Variants in TRPC6 observed in about 807,000 individuals in gnomAD.
TRPC6 encodes the protein short transient receptor potential channel 6.
A neutral mutation model predicts 90.7 loss-of-function variants in TRPC6; 55 were observed. The ratio of observed to expected loss-of-function variants is 0.61; its 90% CI spans 0.49 to 0.76. The LOEUF (loss-of-function observed/expected upper bound fraction) is 0.76. TRPC6 is among the 30% of genes least tolerant of loss of function. The probability of loss-of-function intolerance (pLI) is 0.00; values close to 1 mark genes in which losing one functional copy is unlikely to be tolerated. For missense variants in TRPC6, 989 were observed against 1,122.7 expected (o/e 0.88, Z 1.70); for synonymous variants, 393 against 393.0 (o/e 1.00, Z 0.00).
chr11:101,502,739 G>A (rs754177172), intron 2 of TRPC6, among the ~76,000 whole-genome samples: 16 of 152,146 alleles, frequency 1.1e-4, no homozygotes, highest in Non-Finnish European at 1.8e-4. Context: ...GTAGCTGGAG[G>A]AAAAGCACCT....
At chr11:101,480,081 G>A (rs1859516577) in intron 5 of TRPC6, among the ~76,000 whole-genome samples, 4 of 152,106 alleles carry the variant, frequency 2.6e-5, no homozygotes, top group Admixed American at 2.0e-4. Context: ...GGGAGGCTGA[G>A]GCAGGAAAAT....
intron 10 of TRPC6, 106 bp downstream of exon 10, chr11:101,469,321 G>T (rs1859230187): frequency 6.0e-6 from 4 of 661,190 alleles, no homozygotes; most frequent in Non-Finnish European, 1.1e-5. Flanking sequence ...ATTATTTAAT[G>T]GGTCTGTTCT....
chr11:101,492,732 G>T (rs922547533), intron 2 of TRPC6, among the ~76,000 whole-genome samples: 1 of 152,150 alleles, frequency 6.6e-6, no homozygotes, highest in African/African-American at 2.4e-5. Flanking sequence ...ACATTTAATA[G>T]GTCTTTGGAA....
At chr11:101,531,643 T>A (rs1362416271) in intron 1 of TRPC6, among the ~76,000 whole-genome samples, 1 of 152,206 alleles carries the variant, frequency 6.6e-6, no homozygotes. Flanking sequence ...CAGGCACAAT[T>A]TGAGGCGTTT....
intron 1 of TRPC6, 112 bp from the exon 2 acceptor site, chr11:101,504,910 C>T (rs1860222504): frequency 8.3e-7 from 1 of 1,199,582 alleles, no homozygotes. Flanking sequence ...GTTGTCTCAT[C>T]ATCTCTAGAC....
In TRPC6 at chr11:101,485,126, T is replaced by TACACACACACACACAC. The variant is rs10639907; in HGVS notation, c.1294-1977_1294-1962dup. Among the ~76,000 whole-genome samples, 958 of 143,902 alleles carry TACACACACACACACAC rather than the reference T, an allele frequency of 6.7e-3. 6 individuals carry two copies. Among genetic ancestry groups the TACACACACACACACAC allele is most frequent in the Middle Eastern group, 0.01 (3 of 288 alleles). 94.4% of individuals were successfully genotyped at this position (143,902 alleles called of 152,430 possible). A position where few individuals can be genotyped will look rare whatever the true frequency, so the allele number is the denominator to read the frequency against. On this transcript the variant is annotated intron_variant, in intron 4 of 12. Transcript: ENST00000344327. ...CCCACATATACAGAGGGCCAAAGAA[T>TACACACACACACACAC]ACACACACACACACACACACACACA...
chr11:101,492,751 A>T (rs1345256085), intron 2 of TRPC6, among the ~76,000 whole-genome samples: 3 of 152,224 alleles, frequency 2.0e-5, no homozygotes, highest in African/African-American at 7.2e-5. Flanking sequence ...AAGACCTTGT[A>T]AACTGTGTTA....
At chr11:101,471,584 T>C (rs1020337077) in intron 8 of TRPC6, among the ~76,000 whole-genome samples, 198 bp from the exon 9 acceptor site, 6 of 152,222 alleles carry the variant, frequency 3.9e-5, no homozygotes, top group Non-Finnish European at 7.3e-5. Flanking sequence ...TTGACAGTCT[T>C]GCAAGACTAT....
intron 1 of TRPC6, among the ~76,000 whole-genome samples, chr11:101,567,260 A>G (rs1401870627): frequency 1.3e-5 from 2 of 152,106 alleles, no homozygotes; most frequent in Non-Finnish European, 2.9e-5. Context: ...GGGAAGTTCC[A>G]AATGGGCGTA....
At position 101,467,531 on chromosome 11, in the gene TRPC6, T is replaced by C. The variant is rs142503379; in HGVS notation, c.2484+1896A>G. On this transcript the variant is annotated intron_variant, in intron 10 of 12. Transcript: ENST00000344327. Reference sequence around the variant, plus strand: ...CCTGTGAACAAGTAAAGAGTCTTAATGAGACAACATTTTAAGTACAACACA... The same window carrying C: ...CCTGTGAACAAGTAAAGAGTCTTAACGAGACAACATTTTAAGTACAACACA... 4.9e-3 allele frequency among the ~76,000 whole-genome samples: 746 copies of C among 152,340 alleles called. 6 individuals carry two copies. The highest frequency in any genetic ancestry group is 0.017 in the African/African-American group (719 of 41,580).
Position 101,504,089 on chromosome 11 carries a change from C to A in TRPC6, c.880G>T (p.Val294Phe). ...AYLSLSSEDP[V>F]MTALELSNEL... is the part of the protein sequence containing the mutation. The stretch of plus-strand genomic sequence containing the variant: ...TTGCTAAGTTCTAAAGCCGTCATGA[C>A]TGGATCTTCACTAGACAATGACAGG... The change falls in exon 2 of 13, where the codon GTC (valine) becomes TTC (phenylalanine). Residue 294 changes from valine (V) to phenylalanine (F), a missense_variant. Around this residue, in one of 4 missense-constraint regions of TRPC6, gnomAD observed 486 missense variants for 591.9 expected, o/e 0.82. Transcript: ENST00000344327. The A allele has an allele frequency of 6.2e-7, 1 of 1,614,090 alleles. No homozygotes were observed. The highest frequency in any genetic ancestry group is 1.1e-5 in the South Asian group (1 of 91,076).
chr11:101,535,638 T>C (rs1382265126), intron 1 of TRPC6, among the ~76,000 whole-genome samples: 3 of 152,174 alleles, frequency 2.0e-5, no homozygotes, highest in Non-Finnish European at 4.4e-5. Context: ...CTGTTTCTCC[T>C]TTGTGATTTG....
At position 101,542,773 on chromosome 11, in the gene TRPC6, G is replaced by A. The variant is rs557587297; in HGVS notation, c.171-37975C>T. 2.6e-3 allele frequency among the ~76,000 whole-genome samples: 402 copies of A among 151,820 alleles called. 2 individuals carry two copies. The highest frequency in any genetic ancestry group is 9.4e-3 in the African/African-American group (388 of 41,438). On this transcript the variant is annotated intron_variant, in intron 1 of 12. Transcript: ENST00000344327. ...TGTGATATATATATAATTTTTAAAT[G>A]AAAATAAAAGACACATCTAAACAGA...
chr11:101,574,860 T>C (rs573181375), intron 1 of TRPC6, among the ~76,000 whole-genome samples: 1 of 152,290 alleles, frequency 6.6e-6, no homozygotes, highest in East Asian at 1.9e-4. Context: ...TCAAGATAAT[T>C]TTATTAGCGA....
intron 1 of TRPC6, among the ~76,000 whole-genome samples, chr11:101,547,697 G>C (rs939558794): frequency 1.3e-5 from 2 of 152,152 alleles, no homozygotes; most frequent in African/African-American, 4.8e-5. Context: ...TATCCAGGTA[G>C]TAATCTTTCT....
At chr11:101,577,841 G>C (rs1291931610) in intron 1 of TRPC6, among the ~76,000 whole-genome samples, 5 of 152,162 alleles carry the variant, frequency 3.3e-5, no homozygotes, top group Non-Finnish European at 5.9e-5. Flanking sequence ...TCAGGCTAGA[G>C]AGCTAAAAGA....
Position 101,457,567 on chromosome 11 carries a change from T to G in TRPC6, c.2485-2466A>C, listed in dbSNP as rs572204819. On this transcript the variant is annotated intron_variant, in intron 10 of 12. Coordinates refer to ENST00000344327, the MANE Select transcript of TRPC6 (RefSeq NM_004621.6). ...AACAGAGCAATGAACTGAAAAGGTA[T>G]GGACAATATATTCAGTCAGCAGTGA... 3.9e-5 allele frequency among the ~76,000 whole-genome samples: 6 copies of G among 152,290 alleles called. No homozygotes were observed. In the East Asian group the frequency reaches 7.7e-4, roughly 20 times the overall value.
At chr11:101,496,916 ATTTATTTG>A (rs548941688) in intron 2 of TRPC6, among the ~76,000 whole-genome samples, 23 of 152,280 alleles carry the variant, frequency 1.5e-4, no homozygotes, top group African/African-American at 5.5e-4. Context: ...CACTTACTGC[ATTTATTTG>A]TTTATGTTTC....
Position 101,583,643 on chromosome 11 carries a change from CAG to C in TRPC6, c.-142_-141del. On this transcript the variant is annotated 5_prime_UTR_variant, in exon 1 of 13. Coordinates refer to ENST00000344327, the MANE Select transcript of TRPC6 (RefSeq NM_004621.6). ...CGGTGCCCAGGGGACGACGGTGAAG[CAG>C]GGGGTGCAGACGCCCGCCGCAAGTG... The C allele has an allele frequency of 1.1e-6, 1 of 929,180 alleles. No homozygotes were observed. The highest frequency in any genetic ancestry group is 1.5e-6 in the Non-Finnish European group (1 of 675,278). 57.6% of individuals were successfully genotyped at this position (929,180 alleles called of 1,614,324 possible). A position where few individuals can be genotyped will look rare whatever the true frequency, so the allele number is the denominator to read the frequency against.
Sources: allele counts gnomAD v4.1 joint callset (sites outside exome capture counted in the v4.1 genomes callset), GRCh38; gene constraint gnomAD v4.1.1; regional missense constraint gnomAD v4.1.1; transcripts MANE v1.5; gene names NCBI Gene and HGNC (gene_info 2026-07-23, HGNC 2026-07-21).